The following PARL variants were observed in gnomAD, a reference collection of about 807,000 sequenced individuals.
PARL encodes the protein presenilin associated rhomboid like, also known as presenilin-associated rhomboid-like protein, mitochondrial.
Under a neutral mutation model 51.6 loss-of-function variants are expected in PARL, and 44 were observed. That is an observed-to-expected ratio of 0.85 (90% CI 0.67 to 1.10). PARL has a LOEUF of 1.10. Among genes scored for constraint, PARL ranks in the 50% least tolerant of loss-of-function variants. PARL has a pLI of 0.00. For synonymous variants in PARL, 172 were observed against 164.0 expected (o/e 1.05, Z -0.37); for missense variants, 441 against 469.5 (o/e 0.94, Z 0.56).
Position 183,867,965 on chromosome 3 carries a change from T to C in PARL, c.221A>G (p.Tyr74Cys), listed in dbSNP as rs1467997583. ...RSDPGTSGEA[Y>C]KRSALIPPVE... ...AGGAGGAATCAAAGCACTTCTCTTGTATGCTTCACCACTTGTCCCTGGGTC... is the reference window on the plus strand; with the variant it reads ...AGGAGGAATCAAAGCACTTCTCTTGCATGCTTCACCACTTGTCCCTGGGTC... Residue 74 changes from tyrosine (Y) to cysteine (C), a missense_variant, in exon 2 of 10, where the codon TAC (tyrosine) becomes TGC (cysteine). Tyr to Cys is a radical substitution (Grantham distance 194). Transcript: ENST00000317096. The C allele has an allele frequency of 2.5e-6, 4 of 1,613,698 alleles. No homozygotes were observed. Among genetic ancestry groups the C allele is most frequent in the Non-Finnish European group, 1.7e-6 (2 of 1,179,688 alleles).
chr3:183,855,042 GACACAAAAGGCC>G (rs1336862657), intron 4 of PARL, among the ~76,000 whole-genome samples: 2 of 152,042 alleles, frequency 1.3e-5, no homozygotes, highest in Non-Finnish European at 2.9e-5. Flanking sequence ...GAAAGAAACA[GACACAAAAGGCC>G]ACATATTATG....
chr3:183,829,842 A>G (rs532984011), intron 9 of PARL, 133 bp from the exon 10 acceptor site: 3 of 769,880 alleles, frequency 3.9e-6, no homozygotes, highest in Non-Finnish European at 7.0e-6. Context: ...AAACTGACTC[A>G]CATCGAGAAA....
chr3:183,882,253 A>ATT (rs1553906118), intron 1 of PARL, among the ~76,000 whole-genome samples: 3 of 53,386 alleles, frequency 5.6e-5, no homozygotes, highest in South Asian at 5.7e-4. Flanking sequence ...ATTTATATAT[A>ATT]TATATATATA....
At chr3:183,882,190 C>A (rs2108726834) in intron 1 of PARL, among the ~76,000 whole-genome samples, 1 of 90,636 alleles carries the variant, frequency 1.1e-5, no homozygotes, top group South Asian at 3.8e-4. Context: ...GGAAACAGAG[C>A]AAGACAATGT....
intron 4 of PARL, among the ~76,000 whole-genome samples, chr3:183,856,920 T>C (rs11717450): frequency 0.049 from 7,481 of 152,290 alleles, 194 homozygotes; most frequent in Middle Eastern, 0.082. Context: ...ATCCTAAAAA[T>C]ATACTTGTAC....
chr3:183,830,368 G>C (rs1282488316), intron 9 of PARL, among the ~76,000 whole-genome samples: 1 of 152,208 alleles, frequency 6.6e-6, no homozygotes, highest in African/African-American at 2.4e-5. Flanking sequence ...TAGAACCCGA[G>C]TCTGCTGCTG....
intron 3 of PARL, among the ~76,000 whole-genome samples, chr3:183,866,180 A>G (rs542601153): frequency 7.2e-5 from 11 of 152,210 alleles, no homozygotes; most frequent in Non-Finnish European, 1.2e-4. Flanking sequence ...TAACATTTTT[A>G]ACAACTATCC....
chr3:183,866,151 C>T (rs930055113), intron 3 of PARL, among the ~76,000 whole-genome samples: 10 of 152,154 alleles, frequency 6.6e-5, no homozygotes, highest in African/African-American at 1.9e-4. Context: ...AGACTTGAGC[C>T]GCTGTGCCCG....
intron 9 of PARL, among the ~76,000 whole-genome samples, chr3:183,832,402 G>A (rs1365959718): frequency 6.6e-6 from 1 of 151,972 alleles, no homozygotes; most frequent in Non-Finnish European, 1.5e-5. Flanking sequence ...TGTATTTTTA[G>A]TAGAGACGGG....
chr3:183,862,997 A>G (rs1732019553), intron 3 of PARL, among the ~76,000 whole-genome samples, 196 bp from the exon 4 acceptor site: 2 of 152,246 alleles, frequency 1.3e-5, no homozygotes, highest in African/African-American at 2.4e-5. Context: ...TTCTCCACAC[A>G]GAACCAACCA....
At chr3:183,881,276 C>T (rs546708479) in intron 1 of PARL, among the ~76,000 whole-genome samples, 3 of 151,918 alleles carry the variant, frequency 2.0e-5, no homozygotes, top group Admixed American at 2.0e-4. Flanking sequence ...CCCCTGCCAC[C>T]GTGCCTGGCT....
chr3:183,831,623 CTAT>C (rs1261880235), intron 9 of PARL, among the ~76,000 whole-genome samples: 7 of 152,154 alleles, frequency 4.6e-5, no homozygotes, highest in African/African-American at 1.4e-4. Flanking sequence ...AATATGTTAG[CTAT>C]TATTATTGCA....
At chr3:183,859,387 G>A (rs1392689694) in intron 4 of PARL, among the ~76,000 whole-genome samples, 1 of 152,148 alleles carries the variant, frequency 6.6e-6, no homozygotes, top group Non-Finnish European at 1.5e-5. Context: ...GCCCAGGCTG[G>A]AGGGCAATGG....
intron 6 of PARL, among the ~76,000 whole-genome samples, chr3:183,841,997 G>A (rs1729374765): frequency 1.3e-5 from 2 of 152,138 alleles, no homozygotes; most frequent in African/African-American, 2.4e-5. Flanking sequence ...ATCAAGGCCC[G>A]ATGAGATTAC....
At chr3:183,873,336 T>C (rs1733427034) in intron 1 of PARL, among the ~76,000 whole-genome samples, 1 of 152,148 alleles carries the variant, frequency 6.6e-6, no homozygotes, top group Non-Finnish European at 1.5e-5. Flanking sequence ...TGAAACTCCA[T>C]CTCTGCTAAA....
downstream of PARL, among the ~76,000 whole-genome samples, chr3:183,827,388 G>A (rs1455587348): frequency 1.3e-5 from 2 of 151,868 alleles, no homozygotes; most frequent in South Asian, 2.1e-4. Context: ...GCTACAGTGA[G>A]CTATGATTGC....
chr3:183,883,489 T>C, intron 1 of PARL: 1 of 459,870 alleles, frequency 2.2e-6, no homozygotes, highest in Non-Finnish European at 2.9e-6. Flanking sequence ...AGGCTGGTCT[T>C]GAACTCCTAA....
At chr3:183,860,068 A>T (rs1373456948) in intron 4 of PARL, among the ~76,000 whole-genome samples, 2 of 152,134 alleles carry the variant, frequency 1.3e-5, no homozygotes, top group African/African-American at 4.8e-5. Flanking sequence ...AAAAAAAAAA[A>T]ACCCATTCGG....
chr3:183,827,341 C>T (rs1727490326), downstream of PARL, among the ~76,000 whole-genome samples: 1 of 151,964 alleles, frequency 6.6e-6, no homozygotes, highest in Non-Finnish European at 1.5e-5. Context: ...GCAGTGCCAG[C>T]TACTTGGAGG....
Sources: gnomAD v4.1 joint callset for allele counts (sites outside exome capture counted in the v4.1 genomes callset) on GRCh38, gnomAD v4.1.1 for gene constraint, MANE v1.5 for transcripts, NCBI Gene and HGNC (gene_info 2026-07-23, HGNC 2026-07-21) for gene names.